Variants in RPRD1B observed in about 807,000 individuals in gnomAD.
RPRD1B encodes regulation of nuclear pre-mRNA domain-containing protein 1B.
In RPRD1B, 11 loss-of-function variants were observed where a neutral mutation model predicts 41.5. The observed-to-expected ratio is 0.27, with a 90% confidence interval of 0.17 to 0.44. The LOEUF (loss-of-function observed/expected upper bound fraction) is 0.44, where lower values mean the gene tolerates loss of function less well. Among genes scored for constraint, RPRD1B ranks in the 20% least tolerant of loss-of-function variants. RPRD1B has a pLI of 1.00. For missense variants in RPRD1B, 248 were observed against 389.9 expected (o/e 0.64, Z 3.06); for synonymous variants, 158 against 155.6 (o/e 1.02, Z -0.12).
chr20:38,052,748 C>T (rs1050245487), intron 3 of RPRD1B, among the ~76,000 whole-genome samples: 2 of 125,044 alleles, frequency 1.6e-5, no homozygotes, highest in South Asian at 2.7e-4. Context: ...GGACCAAACG[C>T]GGTGTTTTTT....
At chr20:38,060,727 C>G (rs1271537356) in intron 5 of RPRD1B, among the ~76,000 whole-genome samples, 1 of 152,152 alleles carries the variant, frequency 6.6e-6, no homozygotes, top group Non-Finnish European at 1.5e-5. Context: ...ATCTCAGCCC[C>G]TCACTCTGCT....
intron 1 of RPRD1B, among the ~76,000 whole-genome samples, chr20:38,034,674 G>GA (rs1333836351): frequency 1.3e-5 from 2 of 152,172 alleles, no homozygotes; most frequent in Non-Finnish European, 2.9e-5. Context: ...ACAGCCCTGT[G>GA]AAGTAGGTAG....
chr20:38,082,100 A>G (rs2074517973), intron 6 of RPRD1B, among the ~76,000 whole-genome samples: 1 of 151,910 alleles, frequency 6.6e-6, no homozygotes, highest in Non-Finnish European at 1.5e-5. Context: ...CTCCTTCTTG[A>G]TTTTTTTGGG....
At chr20:38,067,649 A>C (rs1435047098) in intron 6 of RPRD1B, among the ~76,000 whole-genome samples, 2 of 152,226 alleles carry the variant, frequency 1.3e-5, no homozygotes, top group Non-Finnish European at 2.9e-5. Context: ...TCACATTCGT[A>C]GCCTGCTTGA....
Position 38,091,384 on chromosome 20 carries a change from T to G in RPRD1B, c.*1509T>G, listed in dbSNP as rs2122782538. ...TCCCTTCCAGAAGCTCTCCTGCTTG[T>G]CATGAAGTGAGAACAATGAAAAGTC... is the stretch of plus-strand genomic sequence containing the variant. On this transcript the variant is annotated 3_prime_UTR_variant, in exon 7 of 7. Coordinates refer to ENST00000373433, the MANE Select transcript of RPRD1B (RefSeq NM_021215.4). 1 of 985,458 alleles carries G rather than the reference T, an allele frequency of 1.0e-6. No individual in the cohort carries two copies. The highest frequency in any genetic ancestry group is 1.1e-4 in the East Asian group (1 of 8,818). The allele number at this position is 985,458 out of a possible 1,614,324, so 61.0% of individuals were successfully genotyped here.
chr20:38,049,896 G>A, intron 3 of RPRD1B: 1 of 467,386 alleles, frequency 2.1e-6, no homozygotes, highest in Non-Finnish European at 4.4e-6. Flanking sequence ...CACTTACACT[G>A]TATTCTTTGG....
chr20:38,070,126 C>T (rs748993990), intron 6 of RPRD1B: 5 of 871,378 alleles, frequency 5.7e-6, no homozygotes, highest in Non-Finnish European at 6.9e-6. Context: ...TGTAGGTTTT[C>T]TCCTTTGTAC....
chr20:38,033,873 C>G lies in RPRD1B; in HGVS notation c.-75C>G, dbSNP rs1291651355. Reference sequence around the variant, plus strand: ...TCCCGCAGCCTGTCAGGTGAGGCCCCGGCCTCGTGCCGTCGCTCTTCCCGC... The same window carrying G: ...TCCCGCAGCCTGTCAGGTGAGGCCCGGGCCTCGTGCCGTCGCTCTTCCCGC... On this transcript the variant is annotated 5_prime_UTR_variant, in exon 1 of 7. Transcript: ENST00000373433. 2.8e-6 allele frequency: 4 copies of G among 1,442,938 alleles called. No individual in the cohort carries two copies. The highest frequency in any genetic ancestry group is 2.0e-4 in the Middle Eastern group (1 of 5,004). The allele number at this position is 1,442,938 out of a possible 1,614,324, so 89.4% of individuals were successfully genotyped here.
At chr20:38,088,716 A>G (rs1394535268) in intron 6 of RPRD1B, among the ~76,000 whole-genome samples, 1 of 152,248 alleles carries the variant, frequency 6.6e-6, no homozygotes, top group Non-Finnish European at 1.5e-5. Flanking sequence ...GGGGATTCAT[A>G]TTCTAGAGGA....
At chr20:38,053,044 T>C (rs944579704) in intron 3 of RPRD1B, among the ~76,000 whole-genome samples, 3 of 151,956 alleles carry the variant, frequency 2.0e-5, no homozygotes, top group African/African-American at 7.3e-5. Flanking sequence ...GAATAGAAGG[T>C]GCCCAGTATG....
chr20:38,047,265 G>C (rs2074130146), intron 2 of RPRD1B, among the ~76,000 whole-genome samples: 1 of 152,020 alleles, frequency 6.6e-6, no homozygotes, highest in Admixed American at 6.6e-5. Context: ...CTCTGATTGA[G>C]TCCTTTAGTC....
chr20:38,090,839 T>C lies in RPRD1B; in HGVS notation c.*964T>C, dbSNP rs1012823596. ...CCGCTGTCTGGGTGCATGTCCACAGTACGGTGGCTAAACTCGAACATCACT... is the reference window on the plus strand; with the variant it reads ...CCGCTGTCTGGGTGCATGTCCACAGCACGGTGGCTAAACTCGAACATCACT... On this transcript the variant is annotated 3_prime_UTR_variant, in exon 7 of 7. Coordinates refer to ENST00000373433, the MANE Select transcript of RPRD1B (RefSeq NM_021215.4). 36 of 985,382 alleles carry C rather than the reference T, an allele frequency of 3.7e-5. No individual in the cohort carries two copies. The highest frequency in any genetic ancestry group is 6.1e-5 in the Admixed American group (1 of 16,272). The allele number at this position is 985,382 out of a possible 1,614,324, so 61.0% of individuals were successfully genotyped here. A position where few individuals can be genotyped will look rare whatever the true frequency, so the allele number is the denominator to read the frequency against.
Position 38,057,703 on chromosome 20 carries a change from A to G in RPRD1B, c.528+59A>G, listed in dbSNP as rs2074258189. On this transcript the variant is annotated intron_variant, in intron 4 of 6. Coordinates refer to ENST00000373433, the MANE Select transcript of RPRD1B (RefSeq NM_021215.4). ...GGCTTAAAGTGACCTCTAGTTGAAG[A>G]CTATGGCCACAAGGTGGCGCCAGTG... 4 of 1,227,918 alleles carry G rather than the reference A, an allele frequency of 3.3e-6. No individual in the cohort carries two copies. In the Admixed American group the frequency reaches 7.0e-5, roughly 22 times the overall value. The allele number at this position is 1,227,918 out of a possible 1,614,324, so 76.1% of individuals were successfully genotyped here.
Position 38,090,969 on chromosome 20 carries a change from G to A in RPRD1B, c.*1094G>A, listed in dbSNP as rs1229496393. ...TGCGTCAGATGTTATTGAATAGCTC[G>A]TCTCGGGCAGGGGAAGCGGGGAGTT... is the stretch of plus-strand genomic sequence containing the variant. On this transcript the variant is annotated 3_prime_UTR_variant, in exon 7 of 7. Coordinates refer to ENST00000373433, the MANE Select transcript of RPRD1B (RefSeq NM_021215.4). The A allele has an allele frequency of 2.7e-5, 27 of 985,336 alleles. No individual in the cohort carries two copies. Among genetic ancestry groups the A allele is most frequent in the African/African-American group, 8.7e-5 (5 of 57,226 alleles). 61.0% of individuals were successfully genotyped at this position (985,336 alleles called of 1,614,324 possible).
intron 3 of RPRD1B, among the ~76,000 whole-genome samples, chr20:38,053,129 A>G (rs1259773130): frequency 2.0e-5 from 3 of 152,172 alleles, no homozygotes; most frequent in Non-Finnish European, 4.4e-5. Context: ...TGAAAAAGGG[A>G]GAGTAAATAT....
rs1390826325 is a variant in RPRD1B at position 38,091,145 on chromosome 20, A to G, written c.*1270A>G. The G allele has an allele frequency of 1.7e-5, 17 of 985,678 alleles. No homozygotes were observed. The highest frequency in any genetic ancestry group is 2.0e-5 in the Non-Finnish European group (17 of 829,932). 61.1% of individuals were successfully genotyped at this position (985,678 alleles called of 1,614,324 possible). Reference sequence around the variant, plus strand: ...CTAATTTGGCAGGCTTATTTTTGACATTGGAAAGGGCAGAAAGCGATTTGC... The same window carrying G: ...CTAATTTGGCAGGCTTATTTTTGACGTTGGAAAGGGCAGAAAGCGATTTGC... On this transcript the variant is annotated 3_prime_UTR_variant, in exon 7 of 7. Coordinates refer to ENST00000373433, the MANE Select transcript of RPRD1B (RefSeq NM_021215.4).
At position 38,033,843 on chromosome 20, in the gene RPRD1B, A is replaced by G; in HGVS notation, c.-105A>G. 8.3e-7 allele frequency: 1 copy of G among 1,201,382 alleles called. No individual in the cohort carries two copies. Among genetic ancestry groups the G allele is most frequent in the Non-Finnish European group, 1.1e-6 (1 of 876,364 alleles). 74.4% of individuals were successfully genotyped at this position (1,201,382 alleles called of 1,614,324 possible). ...ACCCCTGGCAGTCTGTCAGTCGGTAAAAAGTCCCGCAGCCTGTCAGGTGAG... is the reference window on the plus strand; with the variant it reads ...ACCCCTGGCAGTCTGTCAGTCGGTAGAAAGTCCCGCAGCCTGTCAGGTGAG... On this transcript the variant is annotated 5_prime_UTR_variant, in exon 1 of 7. Transcript: ENST00000373433.
intron 1 of RPRD1B, among the ~76,000 whole-genome samples, chr20:38,036,742 TTCTA>T (rs2074007720): frequency 6.6e-6 from 1 of 152,232 alleles, no homozygotes; most frequent in Non-Finnish European, 1.5e-5. Context: ...TAGCAATGTT[TTCTA>T]TCTGTGCCAT....
At chr20:38,074,801 C>CT (rs1311375845) in intron 6 of RPRD1B, among the ~76,000 whole-genome samples, 3 of 152,150 alleles carry the variant, frequency 2.0e-5, no homozygotes, top group African/African-American at 7.2e-5. Flanking sequence ...TCAGAGGAAA[C>CT]TTAGCAAATA....
Sources: gnomAD v4.1 joint callset for allele counts (sites outside exome capture counted in the v4.1 genomes callset) on GRCh38, gnomAD v4.1.1 for gene constraint, MANE v1.5 for transcripts, NCBI Gene and HGNC (gene_info 2026-07-23, HGNC 2026-07-21) for gene names.